Variants in PRMT2 observed in about 807,000 individuals in gnomAD.
PRMT2 encodes protein arginine N-methyltransferase 2.
Under a neutral mutation model 57.6 loss-of-function variants are expected in PRMT2, and 26 were observed. The observed-to-expected ratio is 0.45, with a 90% CI of 0.33 to 0.63. The LOEUF is 0.63. PRMT2 is among the 20% of genes least tolerant of loss of function. The pLI is 0.02. For synonymous variants in PRMT2, 219 were observed against 220.0 expected (o/e 1.00, Z 0.04); for missense variants, 472 against 564.4 (o/e 0.84, Z 1.66).
intron 3 of PRMT2, among the ~76,000 whole-genome samples, chr21:46,642,851 C>G (rs2061300370): frequency 6.6e-6 from 1 of 152,044 alleles, no homozygotes; most frequent in Non-Finnish European, 1.5e-5. Context: ...GGTGAAACCC[C>G]ATCTCTACTA....
At position 46,648,715 on chromosome 21, in the gene PRMT2, TG is replaced by T; in HGVS notation, c.489+101del. 1.4e-6 allele frequency: 2 copies of T among 1,477,966 alleles called. No homozygotes were observed. The highest frequency in any genetic ancestry group is 9.2e-7 in the Non-Finnish European group (1 of 1,081,084). The allele number at this position is 1,477,966 out of a possible 1,614,324, so 91.6% of individuals were successfully genotyped here. On this transcript the variant is annotated intron_variant, in intron 6 of 11. Coordinates refer to ENST00000355680, the MANE Select transcript of PRMT2 (RefSeq NM_206962.4). The surrounding 1 kb of genome is among the most constrained non-coding windows in gnomAD (Gnocchi z 4.8). ...GTGCTGACTTGTGACCCTGAGCTGT[TG>T]GGGGCTCACCGGTGACTCCATGGTC... is the stretch of plus-strand genomic sequence containing the variant.
chr21:46,644,605 T>C, intron 5 of PRMT2, 117 bp downstream of exon 5: 3 of 1,025,398 alleles, frequency 2.9e-6, no homozygotes. Context: ...TCCTCTGTTG[T>C]AGCCACTCAG....
intron 3 of PRMT2, among the ~76,000 whole-genome samples, chr21:46,639,334 A>T (rs1297492887): frequency 2.6e-5 from 4 of 152,176 alleles, no homozygotes; most frequent in African/African-American, 7.2e-5. Flanking sequence ...TGTTGAGTGT[A>T]GCATTCTATA....
In PRMT2 at chr21:46,664,309, C is replaced by T. The variant is rs942640276; in HGVS notation, c.1284C>T (p.Val428=). 3 of 1,613,658 alleles carry T rather than the reference C, an allele frequency of 1.9e-6. No homozygotes were observed. The highest frequency in any genetic ancestry group is 2.5e-6 in the Non-Finnish European group (3 of 1,179,584). The change falls in exon 12 of 12, where the codon GTC becomes GTT. Residue 428 remains valine, a synonymous_variant. Coordinates refer to ENST00000355680, the MANE Select transcript of PRMT2 (RefSeq NM_206962.4). ...DPTSQKVGEK[V]FPIWR is the part of the protein sequence containing the mutation. ...ATCTTTTTCAGGTTGGAGAAAAAGT[C>T]TTCCCCATCTGGAGATGACAGTTGA...
rs149582134 is a variant in PRMT2 at position 46,649,255 on chromosome 21, A to G, written c.490-320A>G. Among the ~76,000 whole-genome samples, 1 of 152,296 alleles carries G rather than the reference A, an allele frequency of 6.6e-6. No individual in the cohort carries two copies. Among genetic ancestry groups the G allele is most frequent in the African/African-American group, 2.4e-5 (1 of 41,568 alleles). On this transcript the variant is annotated intron_variant, in intron 6 of 11. Transcript: ENST00000355680. This position sits in a 1 kb window ranked among gnomAD's most constrained non-coding sequence, Gnocchi z 4.8. ...GACCAGCATTGTCACTTGGGTGCTA[A>G]GAAGTTGCTGTGCTGGTCATGGATT... is the stretch of plus-strand genomic sequence containing the variant.
intron 7 of PRMT2, chr21:46,653,719 A>G (rs1342170744): frequency 1.4e-5 from 18 of 1,247,594 alleles, no homozygotes; most frequent in Non-Finnish European, 1.8e-5. Flanking sequence ...CCACACGCAC[A>G]CACACAAAAC....
rs1021035926 is a variant in PRMT2, at chr21:46,664,978, G to A, written c.*651G>A. On this transcript the variant is annotated 3_prime_UTR_variant, in exon 12 of 12. Coordinates refer to ENST00000355680, the MANE Select transcript of PRMT2 (RefSeq NM_206962.4). ...TGTGTATCCTGTTTTATGCATATAT[G>A]TTATTTTTTGTAATTACAGGATCAT... The A allele has an allele frequency of 2.6e-5, 4 of 152,310 alleles. No homozygotes were observed. The highest frequency in any genetic ancestry group is 6.5e-5 in the Admixed American group (1 of 15,300). 9.4% of individuals were successfully genotyped at this position (152,310 alleles called of 1,614,324 possible).
At chr21:46,639,658 CTT>C (rs59630153) in intron 3 of PRMT2, among the ~76,000 whole-genome samples, 22 of 130,282 alleles carry the variant, frequency 1.7e-4, no homozygotes, top group African/African-American at 3.5e-4. Context: ...GCTGTACCAG[CTT>C]TTTTTTTTTA....
chr21:46,654,997 A>G (rs2061521318), intron 7 of PRMT2: 2 of 777,850 alleles, frequency 2.6e-6, no homozygotes, highest in Non-Finnish European at 3.1e-6. Context: ...AAAACTGCAA[A>G]TTACCACAGT....
chr21:46,656,561 T>C (rs1357340426), intron 7 of PRMT2, among the ~76,000 whole-genome samples: 9 of 151,938 alleles, frequency 5.9e-5, no homozygotes, highest in Non-Finnish European at 7.4e-5. Flanking sequence ...TTAACAAAGG[T>C]ACAAAAATCA....
At position 46,649,946 on chromosome 21, in the gene PRMT2, TAAGTC is replaced by T; in HGVS notation, c.654+210_654+214del. 6.9e-7 allele frequency: 1 copy of T among 1,447,740 alleles called. No homozygotes were observed. Among genetic ancestry groups the T allele is most frequent in the African/African-American group, 1.4e-5 (1 of 69,894 alleles). The allele number at this position is 1,447,740 out of a possible 1,614,324, so 89.7% of individuals were successfully genotyped here. ...TTAAAAAATGCCTTTATGAGAAATT[TAAGTC>T]AAAGTTCATGTAACATTTTCATGAG... On this transcript the variant is annotated intron_variant, in intron 7 of 11. Coordinates refer to ENST00000355680, the MANE Select transcript of PRMT2 (RefSeq NM_206962.4). This position sits in a 1 kb window ranked among gnomAD's most constrained non-coding sequence, Gnocchi z 4.8.
chr21:46,646,385 A>G (rs1414102926), intron 5 of PRMT2, among the ~76,000 whole-genome samples: 1 of 152,234 alleles, frequency 6.6e-6, no homozygotes, highest in African/African-American at 2.4e-5. Context: ...TCTCAGCTCA[A>G]AGAACCACTG....
chr21:46,642,910 G>A (rs2061301117), intron 3 of PRMT2, among the ~76,000 whole-genome samples: 1 of 152,120 alleles, frequency 6.6e-6, no homozygotes, highest in Admixed American at 6.5e-5. Flanking sequence ...TGTTGTCCCA[G>A]CTACTTGGGA....
chr21:46,641,734 TG>T (rs2061279468), intron 3 of PRMT2, among the ~76,000 whole-genome samples: 1 of 148,446 alleles, frequency 6.7e-6, no homozygotes, highest in South Asian at 2.1e-4. Context: ...TGTGTGTGTG[TG>T]TGTGTGTGTG....
At chr21:46,639,399 C>G (rs1473803545) in intron 3 of PRMT2, among the ~76,000 whole-genome samples, 1 of 151,990 alleles carries the variant, frequency 6.6e-6, no homozygotes, top group Non-Finnish European at 1.5e-5. Context: ...TATATCTTTT[C>G]TGATTTTTTT....
intron 3 of PRMT2, among the ~76,000 whole-genome samples, chr21:46,640,787 T>TG (rs2061258717): frequency 6.6e-6 from 1 of 151,930 alleles, no homozygotes; most frequent in Admixed American, 6.6e-5. Context: ...TCTTCTTTTT[T>TG]GGGGTCTCCA....
intron 3 of PRMT2, among the ~76,000 whole-genome samples, chr21:46,642,199 C>T (rs769068647): frequency 1.3e-5 from 2 of 152,086 alleles, no homozygotes; most frequent in Admixed American, 6.5e-5. Flanking sequence ...CAGAGACTTA[C>T]CCTAAGAAGA....
intron 7 of PRMT2, chr21:46,651,735 T>G: frequency 6.5e-7 from 1 of 1,549,820 alleles, no homozygotes; most frequent in Non-Finnish European, 8.8e-7. Flanking sequence ...GTTGGTCGGA[T>G]TTGAGGGAGG....
At chr21:46,663,606 G>GA in intron 11 of PRMT2, 52 bp downstream of exon 11, 1 of 1,577,780 alleles carries the variant, frequency 6.3e-7, no homozygotes, top group Non-Finnish European at 8.7e-7. Context: ...TCCTCAGGGA[G>GA]ACAGGCCTGG....
Sources: gnomAD v4.1 joint callset for allele counts (sites outside exome capture counted in the v4.1 genomes callset) on GRCh38, gnomAD v4.1.1 for gene constraint, Gnocchi (gnomAD v3.1) non-coding constraint, MANE v1.5 for transcripts, NCBI Gene and HGNC (gene_info 2026-07-23, HGNC 2026-07-21) for gene names.